NDST4: variants seen among roughly 807,000 people sequenced by gnomAD.
The protein encoded by NDST4 is N-heparan sulfate sulfotransferase 4.
Under a neutral mutation model 100.8 loss-of-function variants are expected in NDST4, and 63 were observed. The observed-to-expected ratio is 0.62, with a 90% confidence interval of 0.51 to 0.77. The LOEUF is 0.77. Among genes scored for constraint, NDST4 ranks in the 30% least tolerant of loss-of-function variants. The pLI is 0.00. For missense variants in NDST4, 943 were observed against 1,018.4 expected, an observed-to-expected ratio of 0.93 and a Z score of 1.01; for synonymous variants, 377 against 361.8, an observed-to-expected ratio of 1.04 and a Z score of -0.48.
chr4:114,893,765 T>C (rs1221393739), intron 6 of NDST4, among the ~76,000 whole-genome samples: 1 of 152,210 alleles, frequency 6.6e-6, no homozygotes, highest in Non-Finnish European at 1.5e-5. Flanking sequence ...TTTGTCAATT[T>C]TGGCTTTTGT....
intron 2 of NDST4, among the ~76,000 whole-genome samples, chr4:115,037,006 A>G (rs541543879): frequency 1.2e-4 from 18 of 152,032 alleles, no homozygotes; most frequent in Non-Finnish European, 2.7e-4. Context: ...TTGATAAATT[A>G]TGTGTTTTAA....
intron 6 of NDST4, among the ~76,000 whole-genome samples, chr4:114,878,171 A>C (rs1352302723): frequency 6.6e-6 from 1 of 152,178 alleles, no homozygotes; most frequent in Non-Finnish European, 1.5e-5. Flanking sequence ...TTAAATCTCC[A>C]CTTACAGTAA....
intron 7 of NDST4, among the ~76,000 whole-genome samples, chr4:114,854,147 A>G (rs1417929935): frequency 6.6e-6 from 1 of 152,144 alleles, no homozygotes; most frequent in Non-Finnish European, 1.5e-5. Flanking sequence ...GGTACCCATC[A>G]TTGTATCATT....
chr4:114,928,634 G>C (rs1189478408), intron 6 of NDST4, among the ~76,000 whole-genome samples: 1 of 152,194 alleles, frequency 6.6e-6, no homozygotes, highest in East Asian at 1.9e-4. Flanking sequence ...GTCCATGAGG[G>C]TGTTTTGGGA....
chr4:114,851,605 G>A (rs914180368), intron 8 of NDST4, among the ~76,000 whole-genome samples: 3 of 152,098 alleles, frequency 2.0e-5, no homozygotes, highest in Non-Finnish European at 4.4e-5. Context: ...CTTTCTATTA[G>A]ATTTTTAACA....
intron 1 of NDST4, among the ~76,000 whole-genome samples, chr4:115,092,301 C>T (rs1409058504): frequency 5.3e-5 from 8 of 152,120 alleles, no homozygotes; most frequent in Non-Finnish European, 1.0e-4. Context: ...AGAGGTATTT[C>T]AGAATAGCTG....
Position 115,016,394 on chromosome 4 carries a change from T to G in NDST4, c.979-39120A>C, listed in dbSNP as rs568181297. On this transcript the variant is annotated intron_variant, in intron 2 of 13. Transcript: ENST00000264363. ...TCCAGAAGAGGAAGTAGGAATGACA[T>G]CACTCAGTATTACTCCTAATGGCTC... Among the ~76,000 whole-genome samples, 17 of 152,194 alleles carry G rather than the reference T, an allele frequency of 1.1e-4. No homozygotes were observed. In the South Asian group the frequency reaches 3.5e-3, roughly 32 times the overall value.
intron 2 of NDST4, among the ~76,000 whole-genome samples, chr4:114,985,032 A>G (rs1578431786): frequency 6.6e-6 from 1 of 152,310 alleles, no homozygotes; most frequent in Admixed American, 6.5e-5. Flanking sequence ...ACGTAATATC[A>G]TGTTAAATGG....
intron 10 of NDST4, among the ~76,000 whole-genome samples, chr4:114,839,770 T>C (rs1723387706): frequency 6.6e-6 from 1 of 152,222 alleles, no homozygotes; most frequent in Non-Finnish European, 1.5e-5. Flanking sequence ...GGAATACCCA[T>C]TGGCACACTG....
At chr4:115,039,371 G>T (rs1728300316) in intron 2 of NDST4, among the ~76,000 whole-genome samples, 1 of 152,026 alleles carries the variant, frequency 6.6e-6, no homozygotes, top group South Asian at 2.1e-4. Context: ...AGGCTGGAGG[G>T]ATCTGGACAT....
chr4:114,940,519 A>G (rs773037610), intron 4 of NDST4, among the ~76,000 whole-genome samples: 5 of 152,158 alleles, frequency 3.3e-5, no homozygotes, highest in Non-Finnish European at 5.9e-5. Context: ...TCAATCCCTA[A>G]CAGGACGGGG....
At chr4:115,039,601 C>T (rs1560576639) in intron 2 of NDST4, among the ~76,000 whole-genome samples, 1 of 152,100 alleles carries the variant, frequency 6.6e-6, no homozygotes, top group Non-Finnish European at 1.5e-5. Flanking sequence ...AACCACTTAA[C>T]TCATTTATTA....
intron 7 of NDST4, among the ~76,000 whole-genome samples, chr4:114,867,089 G>A (rs1258160913): frequency 1.3e-5 from 2 of 152,110 alleles, no homozygotes; most frequent in African/African-American, 4.8e-5. Context: ...TTAGAACAAG[G>A]CATTTCACTA....
chr4:114,891,766 C>T (rs998191897), intron 6 of NDST4, among the ~76,000 whole-genome samples: 2 of 152,082 alleles, frequency 1.3e-5, no homozygotes, highest in Non-Finnish European at 2.9e-5. Flanking sequence ...AGTACTTTCT[C>T]GTTAAAGCTG....
At chr4:115,048,469 C>T (rs1178344822) in intron 2 of NDST4, among the ~76,000 whole-genome samples, 1 of 152,002 alleles carries the variant, frequency 6.6e-6, no homozygotes, top group African/African-American at 2.4e-5. Context: ...TTACTAATTC[C>T]TTTGGAAAGT....
chr4:114,865,250 A>T (rs1724003014), intron 7 of NDST4, among the ~76,000 whole-genome samples: 1 of 151,956 alleles, frequency 6.6e-6, no homozygotes, highest in African/African-American at 2.4e-5. Context: ...TTTTTAGTAG[A>T]GACGGGATTT....
chr4:114,888,868 C>A (rs1724534936), intron 6 of NDST4, among the ~76,000 whole-genome samples: 1 of 152,118 alleles, frequency 6.6e-6, no homozygotes, highest in Admixed American at 6.6e-5. Flanking sequence ...ATCACATAGT[C>A]ATTCTCATTT....
chr4:114,980,377 C>T (rs1050888447), intron 2 of NDST4, among the ~76,000 whole-genome samples: 4 of 152,172 alleles, frequency 2.6e-5, no homozygotes, highest in Admixed American at 6.5e-5. Context: ...CATGATGGCT[C>T]ATGCCTGTAA....
In NDST4 at chr4:114,906,733, T is replaced by G. The variant is rs569288304; in HGVS notation, c.1536+28473A>C. Among the ~76,000 whole-genome samples the G allele has an allele frequency of 2.0e-5, 3 of 152,104 alleles. No homozygotes were observed. The East Asian group carries it at 5.8e-4, about 29-fold the overall frequency. On this transcript the variant is annotated intron_variant, in intron 6 of 13. Transcript: ENST00000264363. Reference sequence around the variant, plus strand: ...TAAATATCATTATAAATATATCTCTTAAAACATATGAAGATATATTTATAA... The same window carrying G: ...TAAATATCATTATAAATATATCTCTGAAAACATATGAAGATATATTTATAA...
Sources: allele counts gnomAD v4.1 joint callset (sites outside exome capture counted in the v4.1 genomes callset), GRCh38; gene constraint gnomAD v4.1.1; transcripts MANE v1.5; gene names NCBI Gene and HGNC (gene_info 2026-07-23, HGNC 2026-07-21).